FHIP1A: variants seen among roughly 807,000 people sequenced by gnomAD.
FHIP1A encodes the protein FHF complex subunit HOOK-interacting protein 1A.
FHIP1A carries 61 observed loss-of-function variants against 88.6 expected under a neutral mutation model. The observed-to-expected ratio is 0.69, with a 90% CI of 0.56 to 0.85. FHIP1A has a LOEUF of 0.85. Among genes scored for constraint, FHIP1A ranks in the 40% least tolerant of loss-of-function variants. The probability of loss-of-function intolerance (pLI) is 0.00; values close to 1 mark genes in which losing one functional copy is unlikely to be tolerated. For synonymous variants in FHIP1A, 478 were observed against 496.0 expected, an observed-to-expected ratio of 0.96 and a Z score of 0.48; for missense variants, 1,154 against 1,273.5, an observed-to-expected ratio of 0.91 and a Z score of 1.43.
At chr4:151,655,559 C>T (rs566054957) in intron 11 of FHIP1A, among the ~76,000 whole-genome samples, 1 of 152,304 alleles carries the variant, frequency 6.6e-6, no homozygotes, top group African/African-American at 2.4e-5. Flanking sequence ...TCTCTCTCCT[C>T]TGAAAATTCA....
chr4:151,594,930 G>T (rs1734590550), intron 7 of FHIP1A, among the ~76,000 whole-genome samples: 1 of 151,842 alleles, frequency 6.6e-6, no homozygotes, highest in Non-Finnish European at 1.5e-5. Context: ...TTTTTTATTA[G>T]CCTGGCTAGC....
At chr4:151,571,519 C>T (rs1733602445) in intron 4 of FHIP1A, among the ~76,000 whole-genome samples, 1 of 152,092 alleles carries the variant, frequency 6.6e-6, no homozygotes. Flanking sequence ...AGATAATATA[C>T]TTGAGTTATG....
intron 1 of FHIP1A, among the ~76,000 whole-genome samples, chr4:151,413,847 T>G (rs1004555661): frequency 6.6e-6 from 1 of 152,152 alleles, no homozygotes; most frequent in African/African-American, 2.4e-5. Context: ...GTATTCCCAG[T>G]TCTTCCATTT....
chr4:151,509,390 C>T (rs1344668072), intron 3 of FHIP1A, among the ~76,000 whole-genome samples: 1 of 152,120 alleles, frequency 6.6e-6, no homozygotes. Context: ...TGGTCTCGAT[C>T]TCCTGACCTC....
intron 4 of FHIP1A, among the ~76,000 whole-genome samples, chr4:151,572,913 A>T (rs1241541474): frequency 6.6e-6 from 1 of 152,192 alleles, no homozygotes; most frequent in Non-Finnish European, 1.5e-5. Context: ...ACATACAATT[A>T]AGTGATTTAT....
intron 5 of FHIP1A, among the ~76,000 whole-genome samples, chr4:151,578,440 C>T (rs1446082404): frequency 6.6e-6 from 1 of 152,170 alleles, no homozygotes; most frequent in Non-Finnish European, 1.5e-5. Flanking sequence ...GGAATCATGG[C>T]ATGTGATAAG....
At chr4:151,519,233 A>G (rs1213303463) in intron 3 of FHIP1A, among the ~76,000 whole-genome samples, 3 of 152,190 alleles carry the variant, frequency 2.0e-5, no homozygotes, top group African/African-American at 7.2e-5. Context: ...GACCCTTCCC[A>G]GTCAATCCCT....
At position 151,629,687 on chromosome 4, in the gene FHIP1A, C is replaced by A; in HGVS notation, c.979-15C>A. On this transcript the variant is annotated splice_polypyrimidine_tract_variant and intron_variant, in intron 7 of 13. Coordinates refer to ENST00000435205, the MANE Select transcript of FHIP1A (RefSeq NM_001109977.3). ...AAAGGATGCTCACCTGTGCTCACTC[C>A]GTTGTTTGTCCTAGGTGACTGTGGA... 6.5e-7 allele frequency: 1 copy of A among 1,549,660 alleles called. No homozygotes were observed. Among genetic ancestry groups the A allele is most frequent in the South Asian group, 1.2e-5 (1 of 83,884 alleles).
chr4:151,567,192 A>G (rs1733420667), intron 4 of FHIP1A, among the ~76,000 whole-genome samples: 1 of 152,182 alleles, frequency 6.6e-6, no homozygotes, highest in South Asian at 2.1e-4. Flanking sequence ...TAAAATAAAT[A>G]AAATTGTCAT....
At chr4:151,612,535 T>G (rs1206441540) in intron 7 of FHIP1A, among the ~76,000 whole-genome samples, 1 of 152,164 alleles carries the variant, frequency 6.6e-6, no homozygotes, top group Non-Finnish European at 1.5e-5. Context: ...TGTGCACCAC[T>G]ACGCCTGGCT....
intron 3 of FHIP1A, among the ~76,000 whole-genome samples, chr4:151,506,427 T>C (rs1396541391): frequency 3.3e-5 from 5 of 152,178 alleles, no homozygotes; most frequent in Non-Finnish European, 7.3e-5. Flanking sequence ...GGCCGAGTTA[T>C]TTATAAAGAA....
intron 7 of FHIP1A, among the ~76,000 whole-genome samples, chr4:151,589,130 G>C (rs1734331057): frequency 6.6e-6 from 1 of 152,174 alleles, no homozygotes; most frequent in Non-Finnish European, 1.5e-5. Context: ...ATAGAATACA[G>C]TATTGTGAGT....
chr4:151,443,635 T>C (rs2126564829), intron 1 of FHIP1A, among the ~76,000 whole-genome samples: 1 of 150,876 alleles, frequency 6.6e-6, no homozygotes, highest in African/African-American at 2.4e-5. Flanking sequence ...TTTTCCTTCT[T>C]TTTCCTCAGT....
chr4:151,569,234 G>T (rs1284091890), intron 4 of FHIP1A, among the ~76,000 whole-genome samples: 5 of 152,196 alleles, frequency 3.3e-5, no homozygotes, highest in Non-Finnish European at 2.9e-5. Flanking sequence ...CCTGCCCAGT[G>T]TAATGCTTTT....
chr4:151,420,758 A>T (rs908268479), intron 1 of FHIP1A, among the ~76,000 whole-genome samples: 1 of 152,168 alleles, frequency 6.6e-6, no homozygotes, highest in African/African-American at 2.4e-5. Context: ...GTAGGTTGCC[A>T]GTGAGTGATT....
At chr4:151,618,526 T>C (rs1400622838) in intron 7 of FHIP1A, among the ~76,000 whole-genome samples, 1 of 152,242 alleles carries the variant, frequency 6.6e-6, no homozygotes, top group Non-Finnish European at 1.5e-5. Context: ...ATGTTTGCAT[T>C]AGAGGGTCCT....
intron 3 of FHIP1A, among the ~76,000 whole-genome samples, chr4:151,527,685 T>G (rs1731730838): frequency 6.6e-6 from 1 of 152,192 alleles, no homozygotes; most frequent in African/African-American, 2.4e-5. Context: ...AATGCTTCAG[T>G]ATAATGCTCT....
chr4:151,586,732 A>T lies in FHIP1A; in HGVS notation c.824A>T (p.Asp275Val), dbSNP rs1326425835. The T allele has an allele frequency of 1.9e-6, 3 of 1,551,312 alleles. No individual in the cohort carries two copies. In the East Asian group the frequency reaches 7.3e-5, roughly 38 times the overall value. ...GAATGGCACTGCCTTCTGAAAGATGACTGGCTTCTACTTCCTTCTCTTGTC... is the reference window on the plus strand; with the variant it reads ...GAATGGCACTGCCTTCTGAAAGATGTCTGGCTTCTACTTCCTTCTCTTGTC... ...GEEWHCLLKD[D>V]WLLLPSLVQF... The change falls in exon 6 of 14, where the codon GAC (aspartate) becomes GTC (valine). Residue 275 changes from aspartate to valine, a missense_variant. Transcript: ENST00000435205.
In FHIP1A at chr4:151,501,401, C is replaced by T. The variant is rs55818653; in HGVS notation, c.-123+18753C>T. On this transcript the variant is annotated intron_variant, in intron 3 of 13. Coordinates refer to ENST00000435205, the MANE Select transcript of FHIP1A (RefSeq NM_001109977.3). ...TTAATACATTATTTAATAGAAACACCGATGTACAAGTGTTTCTATTTCTCC... is the reference window on the plus strand; with the variant it reads ...TTAATACATTATTTAATAGAAACACTGATGTACAAGTGTTTCTATTTCTCC... Among the ~76,000 whole-genome samples, 845 of 152,182 alleles carry T rather than the reference C, an allele frequency of 5.6e-3. 9 individuals are homozygous for T. Among genetic ancestry groups the T allele is most frequent in the African/African-American group, 0.018 (753 of 41,518 alleles).
Sources: allele counts gnomAD v4.1 joint callset (sites outside exome capture counted in the v4.1 genomes callset), GRCh38; gene constraint gnomAD v4.1.1; transcripts MANE v1.5; gene names NCBI Gene and HGNC (gene_info 2026-07-23, HGNC 2026-07-21).